Variants in L3MBTL4 observed in about 807,000 individuals in gnomAD.
L3MBTL4 encodes lethal(3)malignant brain tumor-like protein 4.
L3MBTL4 carries 70 observed loss-of-function variants against 84.5 expected under a neutral mutation model. That is an observed-to-expected ratio of 0.83 (90% confidence interval 0.68 to 1.01). L3MBTL4 has a LOEUF of 1.01. L3MBTL4 is among the 50% of genes least tolerant of loss of function. The probability of loss-of-function intolerance (pLI) is 0.00; values close to 1 mark genes in which losing one functional copy is unlikely to be tolerated. For synonymous variants in L3MBTL4, 274 were observed against 259.8 expected (o/e 1.05, Z -0.52); for missense variants, 715 against 754.8 (o/e 0.95, Z 0.62).
rs558185090 is a variant in L3MBTL4 at position 6,208,050 on chromosome 18, G to C, written c.981+5099C>G. 3.3e-5 allele frequency among the ~76,000 whole-genome samples: 5 copies of C among 152,116 alleles called. No individual in the cohort carries two copies. In the South Asian group the frequency reaches 1.0e-3, roughly 32 times the overall value. On this transcript the variant is annotated intron_variant, in intron 12 of 18. Transcript: ENST00000317931. ...AATTGTGTGAGCCCATGGAGGTCAA[G>C]GCTGCGGCAGGCCATGATTGTGCCA...
chr18:6,294,713 TCAAAACAAAA>T (rs571736696), intron 4 of L3MBTL4, among the ~76,000 whole-genome samples: 3 of 136,998 alleles, frequency 2.2e-5, no homozygotes, highest in African/African-American at 8.4e-5. Flanking sequence ...GCTCAATCAA[TCAAAACAAAA>T]CAAAACAAAA....
chr18:6,375,690 G>A (rs61036430), intron 1 of L3MBTL4, among the ~76,000 whole-genome samples: 18,495 of 152,052 alleles, frequency 0.12, 1,588 homozygotes, highest in East Asian at 0.3. Flanking sequence ...TAGTAAATGA[G>A]ATGACAATGG....
At chr18:6,397,608 G>C (rs1166722075) in intron 1 of L3MBTL4, 2 of 152,130 alleles carry the variant, frequency 1.3e-5, no homozygotes, top group Non-Finnish European at 2.9e-5. Flanking sequence ...CAGCATTTTG[G>C]GAGGTCGAGG....
intron 16 of L3MBTL4, among the ~76,000 whole-genome samples, chr18:6,011,577 C>CTG (rs1739704280): frequency 1.3e-5 from 2 of 152,186 alleles, no homozygotes; most frequent in South Asian, 4.1e-4. Flanking sequence ...ACTTCTCTCT[C>CTG]AGTCTACTCA....
intron 17 of L3MBTL4, 141 bp from the exon 18 acceptor site, chr18:5,960,297 G>T: frequency 2.6e-6 from 1 of 379,924 alleles, no homozygotes; most frequent in Non-Finnish European, 4.9e-6. Flanking sequence ...AGTTGCATTA[G>T]CATTTGTCAA....
At chr18:6,100,027 T>C (rs1451241761) in intron 14 of L3MBTL4, among the ~76,000 whole-genome samples, 1 of 152,140 alleles carries the variant, frequency 6.6e-6, no homozygotes, top group Non-Finnish European at 1.5e-5. Context: ...AATTAAGCAT[T>C]GTAATCCGTT....
intron 14 of L3MBTL4, among the ~76,000 whole-genome samples, chr18:6,104,238 G>T (rs945815376): frequency 6.6e-6 from 1 of 152,078 alleles, no homozygotes; most frequent in African/African-American, 2.4e-5. Flanking sequence ...TTATCCAAAA[G>T]AACTGAAATG....
At chr18:6,296,933 T>C (rs182990868) in intron 4 of L3MBTL4, among the ~76,000 whole-genome samples, 12 of 152,290 alleles carry the variant, frequency 7.9e-5, no homozygotes, top group Admixed American at 5.9e-4. Context: ...TGCAGGTTGA[T>C]GATGGTGCTA....
At chr18:6,103,031 A>G (rs2058885428) in intron 14 of L3MBTL4, among the ~76,000 whole-genome samples, 1 of 152,200 alleles carries the variant, frequency 6.6e-6, no homozygotes, top group Non-Finnish European at 1.5e-5. Flanking sequence ...ACACTCAAGG[A>G]ATGTAATAGC....
intron 1 of L3MBTL4, among the ~76,000 whole-genome samples, chr18:6,364,312 A>G (rs1218147829): frequency 6.6e-6 from 1 of 152,034 alleles, no homozygotes; most frequent in Non-Finnish European, 1.5e-5. Flanking sequence ...ATTTTTAAAT[A>G]AACTAATAAA....
rs2095218177 is a variant in L3MBTL4 at position 5,954,827 on chromosome 18, C to G, written c.*1393G>C. 6.6e-6 allele frequency: 1 copy of G among 151,864 alleles called. No individual in the cohort carries two copies. The highest frequency in any genetic ancestry group is 1.5e-5 in the Non-Finnish European group (1 of 67,968). 9.4% of individuals were successfully genotyped at this position (151,864 alleles called of 1,614,324 possible). On this transcript the variant is annotated 3_prime_UTR_variant, in exon 19 of 19. Coordinates refer to ENST00000317931, the MANE Select transcript of L3MBTL4 (RefSeq NM_001330559.2). ...TACAAAAAGCAAAACAAACAAAACT[C>G]CACAGAAACAAAATTTACATCAACC...
chr18:6,033,393 T>C lies in L3MBTL4; in HGVS notation c.1444+47488A>G, dbSNP rs1439242569. ...AAGTGAGTCTTTTGAAGACAGCATATAGTTGGATCTCGTTTTTCTTTTAAA... is the reference window on the plus strand; with the variant it reads ...AAGTGAGTCTTTTGAAGACAGCATACAGTTGGATCTCGTTTTTCTTTTAAA... On this transcript the variant is annotated intron_variant, in intron 16 of 18. Transcript: ENST00000317931. Among the ~76,000 whole-genome samples the C allele has an allele frequency of 3.3e-5, 5 of 152,226 alleles. 1 individual carries two copies. The highest frequency in any genetic ancestry group is 1.2e-4 in the African/African-American group (5 of 41,478).
At chr18:6,340,336 A>G (rs1457140246) in intron 1 of L3MBTL4, among the ~76,000 whole-genome samples, 1 of 152,176 alleles carries the variant, frequency 6.6e-6, no homozygotes, top group Non-Finnish European at 1.5e-5. Flanking sequence ...AGATGCATTA[A>G]AAAGGGTGAA....
At chr18:6,029,930 T>C (rs933118729) in intron 16 of L3MBTL4, 78 of 985,458 alleles carry the variant, frequency 7.9e-5, no homozygotes, top group Middle Eastern at 5.2e-4. Context: ...CACTTTTTAT[T>C]TTCCAGTCAA....
chr18:5,997,259 C>T (rs1177745731), intron 16 of L3MBTL4, among the ~76,000 whole-genome samples: 1 of 150,536 alleles, frequency 6.6e-6, no homozygotes, highest in Non-Finnish European at 1.5e-5. Flanking sequence ...TGGGAACACT[C>T]AAGCTGTGAA....
Position 6,171,883 on chromosome 18 carries a change from A to G in L3MBTL4, c.1041T>C (p.Asp347=). 6.4e-7 allele frequency: 1 copy of G among 1,557,302 alleles called. No homozygotes were observed. Among genetic ancestry groups the G allele is most frequent in the Non-Finnish European group, 8.7e-7 (1 of 1,149,298 alleles). The change falls in exon 13 of 19, where the codon GAT becomes GAC. Residue 347 remains aspartate, a synonymous_variant. Coordinates refer to ENST00000317931, the MANE Select transcript of L3MBTL4 (RefSeq NM_001330559.2). The part of the protein sequence containing the change: ...YDYWVEADSP[D]IHPIGWCDVT... The stretch of plus-strand genomic sequence containing the variant: ...CATCACACCATCCGATCGGGTGGAT[A>G]TCAGGGCTGTCTGCCTCCACCCAGT...
At chr18:6,045,159 G>A (rs1440240847) in intron 16 of L3MBTL4, among the ~76,000 whole-genome samples, 1 of 152,142 alleles carries the variant, frequency 6.6e-6, no homozygotes. Flanking sequence ...TATACAGAGG[G>A]AACCCCATCA....
intron 16 of L3MBTL4, among the ~76,000 whole-genome samples, chr18:6,079,355 C>G (rs578222692): frequency 6.4e-4 from 97 of 152,318 alleles, no homozygotes; most frequent in Middle Eastern, 3.4e-3. Flanking sequence ...ACCTCACACT[C>G]TTCTGACATA....
rs531650534 is a variant in L3MBTL4, at chr18:6,011,204, C to G, written c.1445-41642G>C. 8.6e-4 allele frequency among the ~76,000 whole-genome samples: 131 copies of G among 152,256 alleles called. No homozygotes were observed. In the Middle Eastern group the frequency reaches 0.01, roughly 12 times the overall value. On this transcript the variant is annotated intron_variant, in intron 16 of 18. Transcript: ENST00000317931. ...TTCTAAAGAAGACTTAATTACCACT[C>G]TATGTGTTTTTAATGCTGGCTGAAA...
Sources: gnomAD v4.1 joint callset for allele counts (sites outside exome capture counted in the v4.1 genomes callset) on GRCh38, gnomAD v4.1.1 for gene constraint, MANE v1.5 for transcripts, NCBI Gene and HGNC (gene_info 2026-07-23, HGNC 2026-07-21) for gene names.